FGF11: variants seen among roughly 807,000 people sequenced by gnomAD.
FGF11 encodes fibroblast growth factor 11, also known as fibroblast growth factor homologous factor 3.
A neutral mutation model predicts 25.1 loss-of-function variants in FGF11; 25 were observed. That is an observed-to-expected ratio of 1.00 (90% CI 0.73 to 1.39). FGF11 has a LOEUF of 1.39. FGF11 is among the 40% of genes most tolerant of loss of function. The pLI is 0.00. For synonymous variants in FGF11, 130 were observed against 128.9 expected (o/e 1.01, Z -0.06); for missense variants, 320 against 311.0 (o/e 1.03, Z -0.22).
At chr17:7,441,689 T>C in intron 2 of FGF11, 87 bp from the exon 3 acceptor site, 1 of 1,572,838 alleles carries the variant, frequency 6.4e-7, no homozygotes, top group South Asian at 1.1e-5. Context: ...CTTCCTGACC[T>C]CTAAGGGAAA....
At chr17:7,442,538 A>T (rs1053098243) in intron 3 of FGF11, 56 bp from the exon 4 acceptor site, 36 of 1,610,200 alleles carry the variant, frequency 2.2e-5, no homozygotes, top group Non-Finnish European at 2.7e-5. Context: ...CTGCCCAGTG[A>T]TGTGTCTTTT....
Position 7,439,542 on chromosome 17 carries a change from C to A in FGF11, c.-79C>A. 1 of 1,200,554 alleles carries A rather than the reference C, an allele frequency of 8.3e-7. No individual in the cohort carries two copies. The highest frequency in any genetic ancestry group is 1.1e-6 in the Non-Finnish European group (1 of 914,976). The allele number at this position is 1,200,554 out of a possible 1,614,324, so 74.4% of individuals were successfully genotyped here. A position where few individuals can be genotyped will look rare whatever the true frequency, so the allele number is the denominator to read the frequency against. ...GGGGCCTGAGCGTCAAGAGCATGCCCTAGTGAGCGGGCTCCTCTGGGGGAG... is the reference window on the plus strand; with the variant it reads ...GGGGCCTGAGCGTCAAGAGCATGCCATAGTGAGCGGGCTCCTCTGGGGGAG... On this transcript the variant is annotated 5_prime_UTR_variant, in exon 1 of 5. Transcript: ENST00000293829.
At chr17:7,442,454 C>T in intron 3 of FGF11, 140 bp from the exon 4 acceptor site, 2 of 1,513,404 alleles carry the variant, frequency 1.3e-6, no homozygotes, top group Non-Finnish European at 1.8e-6. Flanking sequence ...CCCTTTGCTC[C>T]CAGGTCCTAC....
Position 7,442,778 on chromosome 17 carries a change from C to T in FGF11, c.593C>T (p.Pro198Leu), listed in dbSNP as rs1328889545. 4 of 1,613,974 alleles carry T rather than the reference C, an allele frequency of 2.5e-6. No individual in the cohort carries two copies. The highest frequency in any genetic ancestry group is 3.4e-6 in the Non-Finnish European group (4 of 1,179,972). Residue 198 changes from proline (P) to leucine (L), a missense_variant, in exon 4 of 5, where the codon CCC (proline) becomes CTC (leucine). Transcript: ENST00000293829. ...ACCAAGGCAGCTGCCCACTTTCTGC[C>T]CAAGCTCCTGGAGGGTGGGTATAGA... Reference protein sequence around the residue: ...KKTKAAAHFLPKLLEVAMYQE... With the variant: ...KKTKAAAHFLLKLLEVAMYQE...
In FGF11 at chr17:7,443,057, C is replaced by G; in HGVS notation, c.608-19C>G. Reference sequence around the variant, plus strand: ...TGCCTAACTCTCCTTCCCTGCTCCTCTCTTTCTCCCCTTCACAGTGGCCAT... The same window carrying G: ...TGCCTAACTCTCCTTCCCTGCTCCTGTCTTTCTCCCCTTCACAGTGGCCAT... On this transcript the variant is annotated intron_variant, in intron 4 of 4. Coordinates refer to ENST00000293829, the MANE Select transcript of FGF11 (RefSeq NM_004112.4). 1.2e-6 allele frequency: 2 copies of G among 1,602,024 alleles called. No individual in the cohort carries two copies. The highest frequency in any genetic ancestry group is 1.7e-6 in the Non-Finnish European group (2 of 1,170,006).
rs2150835889 is a variant in FGF11, at chr17:7,443,979, G to A, written c.*833G>A. ...CTGTATAGCCATATTATTGTTCTAA[G>A]TAAGTTCTAGCCCCACCCTCCCGCC... On this transcript the variant is annotated 3_prime_UTR_variant, in exon 5 of 5. Coordinates refer to ENST00000293829, the MANE Select transcript of FGF11 (RefSeq NM_004112.4). 1 of 151,352 alleles carries A rather than the reference G, an allele frequency of 6.6e-6. No homozygotes were observed. Among genetic ancestry groups the A allele is most frequent in the South Asian group, 2.1e-4 (1 of 4,828 alleles). The allele number at this position is 151,352 out of a possible 1,614,324, so 9.4% of individuals were successfully genotyped here.
Position 7,439,624 on chromosome 17 carries a change from G to A in FGF11, c.4G>A (p.Ala2Thr), listed in dbSNP as rs752546716. M[A>T]ALASSLIRQK... ...GGGTGTCTCCTCCCGGGGCGCTATG[G>A]CGGCGCTGGCCAGTAGCCTGATCCG... The change falls in exon 1 of 5, where the codon GCG becomes ACG. Residue 2 changes from alanine to threonine, a missense_variant. Transcript: ENST00000293829. 6.9e-7 allele frequency: 1 copy of A among 1,439,626 alleles called. No homozygotes were observed. Among genetic ancestry groups the A allele is most frequent in the Non-Finnish European group, 9.0e-7 (1 of 1,105,542 alleles). 89.2% of individuals were successfully genotyped at this position (1,439,626 alleles called of 1,614,324 possible).
chr17:7,441,424 C>T lies in FGF11; in HGVS notation c.194-47C>T, dbSNP rs998625316. 1.9e-6 allele frequency: 3 copies of T among 1,610,976 alleles called. No homozygotes were observed. The African/African-American group carries it at 4.0e-5, about 22-fold the overall frequency. ...AATCCTGCCAAGTGTAGGAATGTTT[C>T]TGGGAACGGAGATGTCATTTTCAAA... On this transcript the variant is annotated intron_variant, in intron 1 of 4. Coordinates refer to ENST00000293829, the MANE Select transcript of FGF11 (RefSeq NM_004112.4).
chr17:7,443,222 C>T lies in FGF11; in HGVS notation c.*76C>T. The T allele has an allele frequency of 2.2e-6, 2 of 916,046 alleles. No homozygotes were observed. Among genetic ancestry groups the T allele is most frequent in the South Asian group, 1.5e-5 (1 of 65,872 alleles). 56.7% of individuals were successfully genotyped at this position (916,046 alleles called of 1,614,324 possible). On this transcript the variant is annotated 3_prime_UTR_variant, in exon 5 of 5. Transcript: ENST00000293829. ...CACCACAACCTGTCTCCCAGTCCTG[C>T]TCTCACCCCTGCTGCCACACACATG...
At position 7,439,665 on chromosome 17, in the gene FGF11, C is replaced by A; in HGVS notation, c.45C>A (p.Val15=). The A allele has an allele frequency of 6.6e-7, 1 of 1,522,340 alleles. No homozygotes were observed. The allele number at this position is 1,522,340 out of a possible 1,614,324, so 94.3% of individuals were successfully genotyped here. Residue 15 remains valine (V), a synonymous_variant, in exon 1 of 5, where the codon GTC becomes GTA. Coordinates refer to ENST00000293829, the MANE Select transcript of FGF11 (RefSeq NM_004112.4). ...GCCTGATCCGGCAGAAGCGGGAGGT[C>A]CGCGAGCCCGGGGGCAGCCGGCCGG... ...ASSLIRQKRE[V]REPGGSRPVS...
intron 1 of FGF11, 77 bp downstream of exon 1, chr17:7,439,890 T>C: frequency 3.2e-6 from 4 of 1,238,598 alleles, no homozygotes; most frequent in Non-Finnish European, 4.2e-6. Flanking sequence ...CTCTGAAGAA[T>C]AGGGCCCGGC....
chr17:7,443,354 G>T lies in FGF11; in HGVS notation c.*208G>T. 1 of 512,684 alleles carries T rather than the reference G, an allele frequency of 2.0e-6. No homozygotes were observed. Among genetic ancestry groups the T allele is most frequent in the Non-Finnish European group, 3.4e-6 (1 of 290,908 alleles). 31.8% of individuals were successfully genotyped at this position (512,684 alleles called of 1,614,324 possible). ...CTTAGATCTTTGGGCCTAGGAGGGA[G>T]TCAGAGAGGGGGATGTCTGAAGATG... On this transcript the variant is annotated 3_prime_UTR_variant, in exon 5 of 5. Transcript: ENST00000293829.
At chr17:7,438,843 T>C (rs560473384), upstream of FGF11, among the ~76,000 whole-genome samples, 2 of 152,318 alleles carry the variant, frequency 1.3e-5, no homozygotes, top group South Asian at 4.1e-4. Flanking sequence ...CTACCTGGTG[T>C]ATCCACTAGG....
At position 7,444,889 on chromosome 17, in the gene FGF11, C is replaced by T; in HGVS notation, c.*1743C>T. The T allele has an allele frequency of 3.4e-6, 2 of 594,780 alleles. No individual in the cohort carries two copies. The highest frequency in any genetic ancestry group is 2.0e-5 in the South Asian group (1 of 50,512). The allele number at this position is 594,780 out of a possible 1,614,324, so 36.8% of individuals were successfully genotyped here. On this transcript the variant is annotated 3_prime_UTR_variant, in exon 5 of 5. Coordinates refer to ENST00000293829, the MANE Select transcript of FGF11 (RefSeq NM_004112.4). Reference sequence around the variant, plus strand: ...ACTCCTGGCACTGCTCCCAGGGGATCGGGTCTCCACTCCAGCTTTCTCAAT... The same window carrying T: ...ACTCCTGGCACTGCTCCCAGGGGATTGGGTCTCCACTCCAGCTTTCTCAAT...
In FGF11 at chr17:7,442,726, G is replaced by A; in HGVS notation, c.541G>A (p.Val181Ile). The A allele has an allele frequency of 6.2e-7, 1 of 1,614,104 alleles. No individual in the cohort carries two copies. Residue 181 changes from valine to isoleucine, a missense_variant, in exon 4 of 5, where the codon GTC (valine) becomes ATC (isoleucine). Val to Ile is a conservative substitution (Grantham distance 29, BLOSUM62 3). Transcript: ENST00000293829. Reference sequence around the variant, plus strand: ...CCTCGGCCTGGACAAGGAGGGCCAGGTCATGAAGGGAAACCGAGTTAAGAA... The same window carrying A: ...CCTCGGCCTGGACAAGGAGGGCCAGATCATGAAGGGAAACCGAGTTAAGAA... ...WYLGLDKEGQ[V>I]MKGNRVKKTK...
chr17:7,439,784 G>A lies in FGF11; in HGVS notation c.164G>A (p.Gly55Glu). ...ILLSKVRLCGGRPARPDRGPE... is the reference protein window; with the variant it reads ...ILLSKVRLCGERPARPDRGPE... The stretch of plus-strand genomic sequence containing the variant: ...CTGTCCAAGGTGCGACTGTGCGGGG[G>A]GCGGCCCGCGCGGCCGGACCGCGGC... Residue 55 changes from glycine to glutamate, a missense_variant, in exon 1 of 5, where the codon GGG becomes GAG. Physicochemically the swap from Gly to Glu is moderately conservative, Grantham distance 98. Transcript: ENST00000293829. 2.0e-6 allele frequency: 3 copies of A among 1,474,724 alleles called. No homozygotes were observed. Among genetic ancestry groups the A allele is most frequent in the Non-Finnish European group, 2.7e-6 (3 of 1,120,686 alleles). The allele number at this position is 1,474,724 out of a possible 1,614,324, so 91.4% of individuals were successfully genotyped here. A position where few individuals can be genotyped will look rare whatever the true frequency, so the allele number is the denominator to read the frequency against.
Position 7,440,556 on chromosome 17 carries a change from T to C in FGF11, c.193+743T>C. On this transcript the variant is annotated intron_variant, in intron 1 of 4. Coordinates refer to ENST00000293829, the MANE Select transcript of FGF11 (RefSeq NM_004112.4). The surrounding 1 kb of genome is among the most constrained non-coding windows in gnomAD (Gnocchi z 5.4). Reference sequence around the variant, plus strand: ...CCACCTACAAGGGGGGACAGGGAAGTCGGCAGAGAGCAAGCGATGGGGGAG... The same window carrying C: ...CCACCTACAAGGGGGGACAGGGAAGCCGGCAGAGAGCAAGCGATGGGGGAG... 2 of 662,086 alleles carry C rather than the reference T, an allele frequency of 3.0e-6. No homozygotes were observed. The highest frequency in any genetic ancestry group is 1.3e-4 in the South Asian group (2 of 14,892). The allele number at this position is 662,086 out of a possible 1,614,324, so 41.0% of individuals were successfully genotyped here.
chr17:7,441,634 A>T, intron 2 of FGF11, 53 bp downstream of exon 2: 1 of 1,608,066 alleles, frequency 6.2e-7, no homozygotes, highest in Non-Finnish European at 8.5e-7. Context: ...GGGACAGGAG[A>T]TGACAATCCT....
chr17:7,441,912 C>T, intron 3 of FGF11, 33 bp downstream of exon 3: 1 of 1,460,222 alleles, frequency 6.8e-7, no homozygotes, highest in Non-Finnish European at 9.4e-7. Flanking sequence ...CCGGGAAATA[C>T]TGGGGACTCC....
Sources: gnomAD v4.1 joint callset for allele counts (sites outside exome capture counted in the v4.1 genomes callset) on GRCh38, gnomAD v4.1.1 for gene constraint, Gnocchi (gnomAD v3.1) non-coding constraint, MANE v1.5 for transcripts, NCBI Gene and HGNC (gene_info 2026-07-23, HGNC 2026-07-21) for gene names.